The following REPS2 variants were observed in gnomAD, a reference collection of about 807,000 sequenced individuals.
REPS2 encodes the protein RALBP1 associated Eps domain containing 2, also known as ralBP1-associated Eps domain-containing protein 2.
A neutral mutation model predicts 53.6 loss-of-function variants in REPS2; 23 were observed. That is an observed-to-expected ratio of 0.43 (90% CI 0.31 to 0.61). The LOEUF (loss-of-function observed/expected upper bound fraction) is 0.61, where lower values mean the gene tolerates loss of function less well. REPS2 is among the 20% of genes least tolerant of loss of function. The pLI is 0.11. For synonymous variants in REPS2, 238 were observed against 218.6 expected (o/e 1.09, Z -0.78); for missense variants, 446 against 534.9 (o/e 0.83, Z 1.64).
chrX:17,022,188 G>A lies in REPS2; in HGVS notation c.463G>A (p.Glu155Lys), dbSNP rs1358905992. The change falls in exon 3 of 18, where the codon GAG becomes AAG. Residue 155 changes from glutamate to lysine, a missense_variant. Physicochemically the swap from Glu to Lys is moderately conservative, Grantham distance 56. Coordinates refer to ENST00000357277, the MANE Select transcript of REPS2 (RefSeq NM_004726.3). Reference protein sequence around the residue: ...DGEIRFGNPAELHGTKVQIPY... With the variant: ...DGEIRFGNPAKLHGTKVQIPY... ...TGAGATACGATTTGGGAACCCAGCT[G>A]AGCTGCATGGAACTAAGGTTCAGAT... 8.3e-7 allele frequency: 1 copy of A among 1,207,482 alleles called. No homozygotes were observed. The highest frequency in any genetic ancestry group is 1.1e-6 in the Non-Finnish European group (1 of 891,609).
At chrX:17,121,391 C>G (rs1249596184) in intron 14 of REPS2, among the ~76,000 whole-genome samples, 1 of 112,666 alleles carries the variant, frequency 8.9e-6, no homozygotes, top group African/African-American at 3.2e-5. Context: ...TCCCACCATG[C>G]TGACTGCAAG....
chrX:17,054,607 T>C (rs1281730966), intron 7 of REPS2, among the ~76,000 whole-genome samples: 1 of 112,154 alleles, frequency 8.9e-6, no homozygotes, highest in Non-Finnish European at 1.9e-5. Context: ...ATTTATAAAA[T>C]GCTACTGATG....
rs1569203709 is a variant in REPS2 at position 17,147,455 on chromosome X, C to A, written c.1957C>A (p.Gln653Lys). The A allele has an allele frequency of 8.3e-7, 1 of 1,206,110 alleles. No homozygotes were observed. The highest frequency in any genetic ancestry group is 1.1e-6 in the Non-Finnish European group (1 of 891,623). Residue 653 changes from glutamine to lysine, a missense_variant, in exon 18 of 18, where the codon CAA becomes AAA. Coordinates refer to ENST00000357277, the MANE Select transcript of REPS2 (RefSeq NM_004726.3). Reference protein sequence around the residue: ...ERIALENQLEQLRPVTVL With the variant: ...ERIALENQLEKLRPVTVL ...AATTGCATTGGAAAACCAATTGGAA[C>A]AACTTCGTCCGGTCACTGTGTTGTG... is the stretch of plus-strand genomic sequence containing the variant.
intron 1 of REPS2, among the ~76,000 whole-genome samples, chrX:16,965,729 ATC>A (rs2060753927): frequency 8.9e-6 from 1 of 112,360 alleles, no homozygotes; most frequent in Non-Finnish European, 1.9e-5. Context: ...AGAGGCTGCA[ATC>A]TCTGCACTTT....
At chrX:16,957,178 G>A (rs1044451564) in intron 1 of REPS2, among the ~76,000 whole-genome samples, 1 of 111,500 alleles carries the variant, frequency 9.0e-6, no homozygotes, top group Non-Finnish European at 1.9e-5. Context: ...GGGAGGTTGA[G>A]GCGGGCGGAT....
At chrX:17,068,944 A>G (rs1412144478) in intron 10 of REPS2, among the ~76,000 whole-genome samples, 1 of 111,903 alleles carries the variant, frequency 8.9e-6, no homozygotes, top group African/African-American at 3.2e-5. Context: ...GCCCAGCTAC[A>G]ATTTTCCTAT....
chrX:16,968,800 T>C (rs1262874377), intron 1 of REPS2, among the ~76,000 whole-genome samples: 12 of 84,452 alleles, frequency 1.4e-4, no homozygotes, highest in Middle Eastern at 9.4e-3. Context: ...ACCTCCCGGA[T>C]GGGGTGGCTG....
intron 11 of REPS2, among the ~76,000 whole-genome samples, chrX:17,072,895 C>T (rs950538349): frequency 6.2e-5 from 7 of 112,208 alleles, no homozygotes; most frequent in African/African-American, 2.3e-4. Context: ...AAAGGGGACT[C>T]AAACTCCTTG....
the REPS2 span, among the ~76,000 whole-genome samples, chrX:17,162,131 T>A: frequency 5.4e-5 from 6 of 111,615 alleles, no homozygotes; most frequent in African/African-American, 2.0e-4. Context: ...CAGAACAGAG[T>A]TGGAGCTCTT....
At chrX:17,129,022 C>G (rs1466948700) in intron 14 of REPS2, among the ~76,000 whole-genome samples, 1 of 111,923 alleles carries the variant, frequency 8.9e-6, no homozygotes, top group East Asian at 2.8e-4. Flanking sequence ...TAATTGTAAT[C>G]CATATATCTG....
intron 8 of REPS2, among the ~76,000 whole-genome samples, chrX:17,061,194 C>G (rs1037972540): frequency 8.9e-6 from 1 of 112,160 alleles, no homozygotes. Context: ...TGCTTGTACT[C>G]AACTCCATGT....
intron 14 of REPS2, among the ~76,000 whole-genome samples, chrX:17,131,725 G>C (rs1366084201): frequency 9.0e-6 from 1 of 111,138 alleles, no homozygotes; most frequent in Non-Finnish European, 1.9e-5. Flanking sequence ...CAGTCACCCT[G>C]TGTTCTTCCA....
chrX:16,983,837 A>C (rs939528878), intron 1 of REPS2, among the ~76,000 whole-genome samples: 3 of 112,575 alleles, frequency 2.7e-5, no homozygotes, highest in Non-Finnish European at 3.8e-5. Context: ...ACATTGAGGC[A>C]CTGAAGTTAA....
intron 1 of REPS2, among the ~76,000 whole-genome samples, chrX:16,958,793 C>G (rs960183971): frequency 7.2e-5 from 8 of 111,648 alleles, no homozygotes; most frequent in Non-Finnish European, 1.3e-4. Context: ...TAGCCTCTTG[C>G]GCTGAGTGGA....
intron 1 of REPS2, among the ~76,000 whole-genome samples, chrX:16,989,874 C>T (rs187134045): frequency 2.7e-4 from 30 of 112,336 alleles, no homozygotes; most frequent in Admixed American, 6.6e-4. Context: ...AACAGTTTGG[C>T]AGTTTCTTAA....
chrX:17,036,543 C>A (rs766996639), intron 5 of REPS2, among the ~76,000 whole-genome samples: 34 of 111,678 alleles, frequency 3.0e-4, no homozygotes, highest in Non-Finnish European at 4.9e-4. Flanking sequence ...GAGATGCTGG[C>A]ACCTGAGGCT....
At chrX:16,982,827 G>T (rs1382733050) in intron 1 of REPS2, among the ~76,000 whole-genome samples, 1 of 112,081 alleles carries the variant, frequency 8.9e-6, no homozygotes, top group Non-Finnish European at 1.9e-5. Context: ...GTATCAGAAT[G>T]AAAATGATGT....
intron 2 of REPS2, among the ~76,000 whole-genome samples, chrX:17,016,393 G>T (rs890533518): frequency 1.8e-5 from 2 of 111,786 alleles, no homozygotes; most frequent in African/African-American, 6.5e-5. Context: ...ACTGAAATTT[G>T]AATTTTTAAT....
chrX:17,079,565 G>A (rs2062426957), intron 13 of REPS2, among the ~76,000 whole-genome samples: 1 of 112,124 alleles, frequency 8.9e-6, no homozygotes, highest in Admixed American at 9.4e-5. Flanking sequence ...AGCTTTCTTT[G>A]ATATCTCTGT....
Sources: allele counts gnomAD v4.1 joint callset (sites outside exome capture counted in the v4.1 genomes callset), GRCh38; gene constraint gnomAD v4.1.1; transcripts MANE v1.5; gene names NCBI Gene and HGNC (gene_info 2026-07-23, HGNC 2026-07-21).